Variants in CCND3 observed in about 807,000 individuals in gnomAD.
CCND3 encodes the protein cyclin D3, also known as G1/S-specific cyclin-D3.
Under a neutral mutation model 28.7 loss-of-function variants are expected in CCND3, and 9 were observed. The observed-to-expected ratio is 0.31, with a 90% CI of 0.19 to 0.55. The LOEUF (loss-of-function observed/expected upper bound fraction) is 0.55. Among genes scored for constraint, CCND3 ranks in the 20% least tolerant of loss-of-function variants. The pLI is 0.93. For missense variants in CCND3, 315 were observed against 385.8 expected, an observed-to-expected ratio of 0.82 and a Z score of 1.54; for synonymous variants, 164 against 163.9, an observed-to-expected ratio of 1.00 and a Z score of 0.00.
intron 1 of CCND3, among the ~76,000 whole-genome samples, chr6:42,046,012 G>A (rs887541400): frequency 3.9e-5 from 6 of 152,170 alleles, no homozygotes; most frequent in African/African-American, 7.2e-5. Context: ...TAAGGTTCAC[G>A]TCCTGCTTAC....
chr6:41,941,127 G>A lies in CCND3; in HGVS notation c.198+325C>T. The A allele has an allele frequency of 2.7e-6, 4 of 1,496,496 alleles. No homozygotes were observed. The highest frequency in any genetic ancestry group is 1.3e-5 in the South Asian group (1 of 74,162). The allele number at this position is 1,496,496 out of a possible 1,614,324, so 92.7% of individuals were successfully genotyped here. ...CCAGGGTTTTCCAGGCGCGCTCTCCGGAGAAGGCCGGGAGGCGGAGGGAAG... is the reference window on the plus strand; with the variant it reads ...CCAGGGTTTTCCAGGCGCGCTCTCCAGAGAAGGCCGGGAGGCGGAGGGAAG... On this transcript the variant is annotated intron_variant, in intron 1 of 4. Transcript: ENST00000372991. This position sits in a 1 kb window ranked among gnomAD's most constrained non-coding sequence, Gnocchi z 6.1.
intron 1 of CCND3, among the ~76,000 whole-genome samples, chr6:41,978,903 T>C (rs7756745): frequency 0.99 from 151,023 of 152,270 alleles, 74,902 homozygotes; most frequent in Middle Eastern, 1. Flanking sequence ...CCTGGCTGGG[T>C]GGGGTGGCTC....
At position 42,048,401 on chromosome 6, in the gene CCND3, CG is replaced by C. The variant is rs886866737; in HGVS notation, c.-46+99del. On this transcript the variant is annotated intron_variant, in intron 1 of 4. Coordinates refer to the CCND3 transcript ENST00000372988. The surrounding 1 kb of genome is among the most constrained non-coding windows in gnomAD (Gnocchi z 4.7). ...TGCCAACTAGGAAGTGATGAGGATG[CG>C]GCGACCCCATTGACCCACCCAGCAC... is the stretch of plus-strand genomic sequence containing the variant. The C allele has an allele frequency of 5.7e-6, 2 of 349,480 alleles. No homozygotes were observed. Among genetic ancestry groups the C allele is most frequent in the African/African-American group, 2.2e-5 (1 of 46,112 alleles). 21.6% of individuals were successfully genotyped at this position (349,480 alleles called of 1,614,324 possible). A position where few individuals can be genotyped will look rare whatever the true frequency, so the allele number is the denominator to read the frequency against.
chr6:41,981,560 T>G (rs945637915), intron 1 of CCND3, among the ~76,000 whole-genome samples: 12 of 147,418 alleles, frequency 8.1e-5, no homozygotes, highest in African/African-American at 2.8e-4. Flanking sequence ...GGTCTGCTCT[T>G]TCACCCAGGC....
intron 1 of CCND3, among the ~76,000 whole-genome samples, chr6:41,995,234 C>G (rs1489315203): frequency 6.6e-6 from 1 of 152,082 alleles, no homozygotes; most frequent in Non-Finnish European, 1.5e-5. Flanking sequence ...ATCCCACAAC[C>G]ACTCAGTTAT....
upstream of CCND3, among the ~76,000 whole-genome samples, chr6:41,945,210 A>G (rs907782271): frequency 6.6e-6 from 1 of 152,162 alleles, no homozygotes; most frequent in Non-Finnish European, 1.5e-5. Flanking sequence ...CTTCCTCTTC[A>G]TCATCAAAAT....
At chr6:41,940,058 A>T (rs1213765019) in intron 2 of CCND3, among the ~76,000 whole-genome samples, 1 of 152,160 alleles carries the variant, frequency 6.6e-6, no homozygotes, top group Non-Finnish European at 1.5e-5. Context: ...ACCCAGAGGC[A>T]AAGTACTAGT....
At chr6:41,976,842 C>T (rs564572684) in intron 1 of CCND3, among the ~76,000 whole-genome samples, 1 of 152,272 alleles carries the variant, frequency 6.6e-6, no homozygotes, top group African/African-American at 2.4e-5. Context: ...CCACAGCACA[C>T]AGCACAGAGC....
chr6:41,969,348 T>C (rs1761973079), intron 1 of CCND3, among the ~76,000 whole-genome samples: 1 of 151,198 alleles, frequency 6.6e-6, no homozygotes, highest in African/African-American at 2.4e-5. Context: ...CAACCCCATC[T>C]CTACTAAAAA....
In CCND3 at chr6:41,984,278, C is replaced by T. The variant is rs191105268; in HGVS notation, c.-45-43693G>A. On this transcript the variant is annotated intron_variant, in intron 1 of 4. Transcript: ENST00000372988. ...GAGGTACAAATATCTCTTGGACATA[C>T]GGATTTGATTTCCTTTGGATATACA... Among the ~76,000 whole-genome samples the T allele has an allele frequency of 6.6e-5, 10 of 152,238 alleles. No individual in the cohort carries two copies. The South Asian group carries it at 1.0e-3, about 16-fold the overall frequency.
intron 1 of CCND3, among the ~76,000 whole-genome samples, chr6:42,046,665 C>T (rs1360113445): frequency 6.6e-6 from 1 of 152,186 alleles, no homozygotes; most frequent in Non-Finnish European, 1.5e-5. Context: ...CACACACACA[C>T]ACACAGCCAT....
In CCND3 at chr6:41,941,165, T is replaced by C; in HGVS notation, c.198+287A>G. 1 of 1,455,408 alleles carries C rather than the reference T, an allele frequency of 6.9e-7. No individual in the cohort carries two copies. The highest frequency in any genetic ancestry group is 9.0e-7 in the Non-Finnish European group (1 of 1,109,288). 90.2% of individuals were successfully genotyped at this position (1,455,408 alleles called of 1,614,324 possible). A position where few individuals can be genotyped will look rare whatever the true frequency, so the allele number is the denominator to read the frequency against. On this transcript the variant is annotated intron_variant, in intron 1 of 4. Coordinates refer to ENST00000372991, the MANE Select transcript of CCND3 (RefSeq NM_001760.5). This position sits in a 1 kb window ranked among gnomAD's most constrained non-coding sequence, Gnocchi z 6.1. ...AGGCGGAGGGAAGCGGGAGACGCTG[T>C]GAGAAGCCGAAGGGGAGAGAGTGTC...
At chr6:42,035,557 C>CG (rs758276273) in intron 1 of CCND3, among the ~76,000 whole-genome samples, 6 of 151,454 alleles carry the variant, frequency 4.0e-5, no homozygotes, top group Non-Finnish European at 7.4e-5. Flanking sequence ...TCAGTAGAGA[C>CG]GGGGTTTCAC....
chr6:41,954,970 C>G (rs1232168772), intron 1 of CCND3, among the ~76,000 whole-genome samples: 1 of 152,110 alleles, frequency 6.6e-6, no homozygotes, highest in Non-Finnish European at 1.5e-5. Flanking sequence ...ATTAACCAAT[C>G]CTGAACCACC....
intron 1 of CCND3, among the ~76,000 whole-genome samples, chr6:42,046,810 T>C (rs1359609987): frequency 6.6e-6 from 1 of 152,204 alleles, no homozygotes; most frequent in Non-Finnish European, 1.5e-5. Flanking sequence ...ACAGACTCCC[T>C]TTAGGAAACT....
intron 1 of CCND3, among the ~76,000 whole-genome samples, chr6:42,036,535 C>A (rs1028128501): frequency 8.0e-5 from 12 of 149,816 alleles, no homozygotes; most frequent in African/African-American, 3.0e-4. Context: ...TCAGCCTCCT[C>A]CTGGTCTACA....
chr6:42,002,590 C>T (rs1210274585), intron 1 of CCND3, among the ~76,000 whole-genome samples: 7 of 152,162 alleles, frequency 4.6e-5, no homozygotes, highest in South Asian at 2.1e-4. Context: ...TGGTGGCTCA[C>T]GCCTGTAATC....
intron 1 of CCND3, among the ~76,000 whole-genome samples, chr6:41,987,503 CTCTCTCTCTCTCTCTGTGTG>C (rs1333084856): frequency 0.052 from 5,491 of 105,432 alleles, 210 homozygotes; most frequent in African/African-American, 0.11. Context: ...CTCTCTCTCT[CTCTCTCTCTCTCTCTGTGTG>C]TGTGTGTGTG....
At chr6:41,951,713 G>T (rs1776323503) in intron 1 of CCND3, among the ~76,000 whole-genome samples, 1 of 151,780 alleles carries the variant, frequency 6.6e-6, no homozygotes, top group African/African-American at 2.4e-5. Flanking sequence ...AGCAATAATA[G>T]TAATAATACT....
Sources: gnomAD v4.1 joint callset for allele counts (sites outside exome capture counted in the v4.1 genomes callset) on GRCh38, gnomAD v4.1.1 for gene constraint, Gnocchi (gnomAD v3.1) non-coding constraint, MANE v1.5 for transcripts, NCBI Gene and HGNC (gene_info 2026-07-23, HGNC 2026-07-21) for gene names.